FARP2: variants seen among roughly 807,000 people sequenced by gnomAD.
FARP2 encodes FERM, ARHGEF and pleckstrin domain-containing protein 2.
A neutral mutation model predicts 130.5 loss-of-function variants in FARP2; 111 were observed. The ratio of observed to expected loss-of-function variants is 0.85; its 90% CI spans 0.73 to 1.00. The LOEUF is 1.00. Ranked by LOEUF, FARP2 falls within the 50% of genes least tolerant of loss-of-function variation. The pLI is 0.00. For missense variants in FARP2, 1,385 were observed against 1,346.3 expected (o/e 1.03, Z -0.45); for synonymous variants, 504 against 516.9 (o/e 0.98, Z 0.34).
intron 22 of FARP2, 131 bp downstream of exon 22, chr2:241,490,175 C>A: frequency 1.5e-6 from 1 of 662,570 alleles, no homozygotes. Flanking sequence ...CCCTTTGACT[C>A]TGAGCTCTGC....
chr2:241,411,962 A>G (rs1318230693), intron 6 of FARP2, among the ~76,000 whole-genome samples: 1 of 152,206 alleles, frequency 6.6e-6, no homozygotes, highest in African/African-American at 2.4e-5. Flanking sequence ...TGGCTGAAAG[A>G]CTTCTCAGGT....
chr2:241,414,421 G>T (rs1333212552), intron 7 of FARP2, among the ~76,000 whole-genome samples: 1 of 152,178 alleles, frequency 6.6e-6, no homozygotes, highest in African/African-American at 2.4e-5. Context: ...TGAGATGCAG[G>T]TTTGTTTGTC....
chr2:241,446,238 A>G (rs2063511596), intron 13 of FARP2: 1 of 152,210 alleles, frequency 6.6e-6, no homozygotes, highest in Non-Finnish European at 1.5e-5. Flanking sequence ...TATATTACCA[A>G]GAGATTCTCT....
At chr2:241,465,721 A>G (rs1382326610) in intron 17 of FARP2, 4 of 1,550,670 alleles carry the variant, frequency 2.6e-6, no homozygotes, top group Non-Finnish European at 3.5e-6. Context: ...GGAGCTCTGC[A>G]TAACACCATG....
intron 13 of FARP2, chr2:241,442,816 G>A (rs184877066): frequency 3.6e-6 from 1 of 281,476 alleles, no homozygotes; most frequent in East Asian, 9.5e-5. Flanking sequence ...TTTGCCATAT[G>A]CTTTGATTCA....
intron 4 of FARP2, 124 bp downstream of exon 4, chr2:241,404,965 A>G: frequency 3.1e-6 from 2 of 642,724 alleles, no homozygotes; most frequent in Middle Eastern, 5.3e-4. Flanking sequence ...GTAATCACCA[A>G]TAGCGGACAA....
chr2:241,385,737 A>G (rs1272853572), intron 2 of FARP2, among the ~76,000 whole-genome samples: 1 of 152,174 alleles, frequency 6.6e-6, no homozygotes, highest in Non-Finnish European at 1.5e-5. Context: ...AAGAGAAAAA[A>G]AAATTTTAAT....
chr2:241,409,064 A>ATAGG (rs1333112206), intron 5 of FARP2, among the ~76,000 whole-genome samples: 2 of 151,944 alleles, frequency 1.3e-5, no homozygotes, highest in Non-Finnish European at 2.9e-5. Flanking sequence ...AGATAGATAG[A>ATAGG]TAGATAGATA....
chr2:241,391,313 T>G (rs370869416), intron 2 of FARP2, among the ~76,000 whole-genome samples: 3 of 152,206 alleles, frequency 2.0e-5, no homozygotes, highest in Non-Finnish European at 2.9e-5. Context: ...TGGCTTCTGG[T>G]GTTTGGCATA....
At chr2:241,412,831 C>T (rs554049346) in intron 6 of FARP2, among the ~76,000 whole-genome samples, 33 of 152,236 alleles carry the variant, frequency 2.2e-4, no homozygotes, top group African/African-American at 7.2e-4. Flanking sequence ...AGTTTGAGAC[C>T]AGCCTGGGCA....
chr2:241,468,395 C>T lies in FARP2; in HGVS notation c.2131+18C>T. The T allele has an allele frequency of 6.3e-7, 1 of 1,586,292 alleles. No individual in the cohort carries two copies. The highest frequency in any genetic ancestry group is 8.6e-7 in the Non-Finnish European group (1 of 1,157,020). On this transcript the variant is annotated intron_variant, in intron 18 of 26. Transcript: ENST00000264042. ...CTGCCATGGTGAGTGTGGGTGCGGCCCTGCATCTCAAGGATCAGCGTGCGT... is the reference window on the plus strand; with the variant it reads ...CTGCCATGGTGAGTGTGGGTGCGGCTCTGCATCTCAAGGATCAGCGTGCGT...
intron 19 of FARP2, among the ~76,000 whole-genome samples, chr2:241,480,478 CCCCTTAGCATT>C (rs1395193745): frequency 8.5e-5 from 13 of 152,174 alleles, no homozygotes; most frequent in Admixed American, 5.2e-4. Flanking sequence ...GAGCTGCTGG[CCCCTTAGCATT>C]GTTTGATTTT....
chr2:241,427,193 C>T (rs1231365686), intron 8 of FARP2, among the ~76,000 whole-genome samples: 2 of 152,130 alleles, frequency 1.3e-5, no homozygotes, highest in Non-Finnish European at 2.9e-5. Flanking sequence ...CAAGATCGCA[C>T]CATTGCACTC....
At position 241,437,651 on chromosome 2, in the gene FARP2, T is replaced by TA. The variant is rs2063268365; in HGVS notation, c.1158+1113_1158+1114insA. Among the ~76,000 whole-genome samples the TA allele has an allele frequency of 5.0e-5, 7 of 140,518 alleles. No homozygotes were observed. In the Admixed American group the frequency reaches 5.6e-4, roughly 11 times the overall value. 92.2% of individuals were successfully genotyped at this position (140,518 alleles called of 152,430 possible). On this transcript the variant is annotated intron_variant, in intron 12 of 26. Coordinates refer to ENST00000264042, the MANE Select transcript of FARP2 (RefSeq NM_014808.4). ...TCGCTGACATATACATATATATATA[T>TA]TTATTTATTTATTTATTTATTTTTT...
chr2:241,373,274 A>G lies in FARP2; in HGVS notation c.167A>G (p.Glu56Gly). 6.7e-7 allele frequency: 1 copy of G among 1,482,694 alleles called. No individual in the cohort carries two copies. The allele number at this position is 1,482,694 out of a possible 1,614,324, so 91.8% of individuals were successfully genotyped here. A position where few individuals can be genotyped will look rare whatever the true frequency, so the allele number is the denominator to read the frequency against. Residue 56 changes from glutamate (E) to glycine (G), a missense_variant, in exon 2 of 27, where the codon GAA becomes GGA. Glu to Gly is a moderately conservative substitution (Grantham distance 98, BLOSUM62 -2). Transcript: ENST00000264042. ...GTAAAGCTGCTGGACAACACCATGG[A>G]AATATTTGACATTGAGGTAAGAAGC... is the stretch of plus-strand genomic sequence containing the variant. ...LRVKLLDNTM[E>G]IFDIEPKCDG...
At chr2:241,491,474 C>G (rs2064909504) in intron 23 of FARP2, 42 bp from the exon 24 acceptor site, 1 of 1,606,136 alleles carries the variant, frequency 6.2e-7, no homozygotes, top group Non-Finnish European at 8.5e-7. Flanking sequence ...CAAGCAGAGG[C>G]CACAGGGGGT....
chr2:241,433,903 G>A (rs887490835), intron 9 of FARP2, among the ~76,000 whole-genome samples: 1 of 152,108 alleles, frequency 6.6e-6, no homozygotes, highest in African/African-American at 2.4e-5. Context: ...TTGTGAGCCT[G>A]TAGTCCCTAC....
intron 2 of FARP2, among the ~76,000 whole-genome samples, chr2:241,375,254 A>G (rs186932783): frequency 8.5e-5 from 13 of 152,156 alleles, no homozygotes; most frequent in East Asian, 1.9e-4. Flanking sequence ...CCCAGCCCCA[A>G]ATCTTTTCAA....
chr2:241,450,215 T>C (rs988239167), intron 13 of FARP2, among the ~76,000 whole-genome samples: 2 of 151,918 alleles, frequency 1.3e-5, no homozygotes, highest in Non-Finnish European at 1.5e-5. Context: ...AACTAAAACA[T>C]AGCTGGGCAC....
Sources: gnomAD v4.1 joint callset for allele counts (sites outside exome capture counted in the v4.1 genomes callset) on GRCh38, gnomAD v4.1.1 for gene constraint, MANE v1.5 for transcripts, NCBI Gene and HGNC (gene_info 2026-07-23, HGNC 2026-07-21) for gene names.